SORL1: variants seen among roughly 807,000 people sequenced by gnomAD.
The protein encoded by SORL1 is sortilin related receptor 1.
A neutral mutation model predicts 273.7 loss-of-function variants in SORL1; 127 were observed. That is an observed-to-expected ratio of 0.46 (90% CI 0.40 to 0.54). The LOEUF (loss-of-function observed/expected upper bound fraction) is 0.54, where lower values mean the gene tolerates loss of function less well. Among genes scored for constraint, SORL1 ranks in the 20% least tolerant of loss-of-function variants. The pLI is 0.00. For missense variants in SORL1, 2,494 were observed against 2,846.1 expected (o/e 0.88, Z 2.81); for synonymous variants, 1,031 against 1,067.4 (o/e 0.97, Z 0.66).
chr11:121,522,587 T>A lies in SORL1; in HGVS notation c.1406T>A (p.Leu469His). The A allele has an allele frequency of 6.2e-7, 1 of 1,613,148 alleles. No individual in the cohort carries two copies. The highest frequency in any genetic ancestry group is 8.5e-7 in the Non-Finnish European group (1 of 1,179,074). ...CTGCCTGAAACTTTGGTTGTATAGC[T>A]TTCCCAGGGCTGTTCCCTTCATCTG... ...TGYGEKINCE[L>H]SQGCSLHLAQ... The change falls in exon 10 of 48, where the codon CTT becomes CAT. Residue 469 changes from leucine to histidine, a missense_variant and splice_region_variant. Physicochemically the swap from Leu to His is moderately conservative, Grantham distance 99 (BLOSUM62 -3). This residue lies in a region of SORL1 where 710 missense variants were observed against 882.5 expected (regional missense o/e 0.80). Coordinates refer to ENST00000260197, the MANE Select transcript of SORL1 (RefSeq NM_003105.6).
chr11:121,565,237 T>C (rs1862738578), intron 21 of SORL1, among the ~76,000 whole-genome samples: 1 of 152,242 alleles, frequency 6.6e-6, no homozygotes, highest in African/African-American at 2.4e-5. Context: ...ATGTTTTCTC[T>C]CTATTTACTG....
At chr11:121,590,522 T>C in intron 30 of SORL1, 2 of 518,488 alleles carry the variant, frequency 3.9e-6, no homozygotes, top group Non-Finnish European at 6.9e-6. Context: ...ATCTGCATGC[T>C]AATAAGCCCC....
rs371141051 is a variant in SORL1 at position 121,575,466 on chromosome 11, G to A, written c.3460+1103G>A. ...CTGTGCCCTCTCTCCCTGTCCACGG[G>A]GGGCAGGTCCAGCCACGCTGTGCTT... On this transcript the variant is annotated intron_variant, in intron 24 of 47. Coordinates refer to ENST00000260197, the MANE Select transcript of SORL1 (RefSeq NM_003105.6). Among the ~76,000 whole-genome samples, 45 of 152,382 alleles carry A rather than the reference G, an allele frequency of 3.0e-4. No homozygotes were observed. In the South Asian group the frequency reaches 8.9e-3, roughly 30 times the overall value.
chr11:121,601,852 A>G (rs1033522636), intron 32 of SORL1, among the ~76,000 whole-genome samples: 7 of 152,174 alleles, frequency 4.6e-5, no homozygotes, highest in South Asian at 2.1e-4. Context: ...ACCCAGTAGA[A>G]TACTTCTGTG....
intron 12 of SORL1, among the ~76,000 whole-genome samples, chr11:121,538,246 C>A (rs776141836): frequency 6.6e-6 from 1 of 151,060 alleles, no homozygotes; most frequent in East Asian, 1.9e-4. Context: ...ATTGACTACA[C>A]CATTTAATCA....
At chr11:121,484,045 G>A (rs563437336) in intron 3 of SORL1, among the ~76,000 whole-genome samples, 23 of 152,264 alleles carry the variant, frequency 1.5e-4, no homozygotes, top group South Asian at 4.1e-4. Context: ...TCACTTTTTG[G>A]TGGTGGAGAG....
chr11:121,499,918 G>T (rs1861687378), intron 6 of SORL1, among the ~76,000 whole-genome samples: 1 of 152,216 alleles, frequency 6.6e-6, no homozygotes, highest in Non-Finnish European at 1.5e-5. Flanking sequence ...AATGATTACA[G>T]TCCTTTGCAA....
At chr11:121,500,354 C>A (rs1217642930) in intron 6 of SORL1, among the ~76,000 whole-genome samples, 1 of 152,194 alleles carries the variant, frequency 6.6e-6, no homozygotes, top group Non-Finnish European at 1.5e-5. Context: ...TAAGCAAAGA[C>A]ATGATCTGTG....
At chr11:121,468,698 G>A (rs1203547891) in intron 1 of SORL1, among the ~76,000 whole-genome samples, 1 of 152,170 alleles carries the variant, frequency 6.6e-6, no homozygotes, top group Non-Finnish European at 1.5e-5. Context: ...TGGGATTACA[G>A]TCGTGGGCCA....
In SORL1 at chr11:121,625,276, T is replaced by G; in HGVS notation, c.6363T>G (p.Ser2121=). 1 of 1,606,438 alleles carries G rather than the reference T, an allele frequency of 6.2e-7. No individual in the cohort carries two copies. The highest frequency in any genetic ancestry group is 8.5e-7 in the Non-Finnish European group (1 of 1,175,900). The change falls in exon 46 of 48, where the codon TCT becomes TCG. Residue 2121 remains serine (S), a splice_region_variant and synonymous_variant. Coordinates refer to ENST00000260197, the MANE Select transcript of SORL1 (RefSeq NM_003105.6). ...PAILLYDELG[S]GADASATQAA... The stretch of plus-strand genomic sequence containing the variant: ...TCCTGCTGTACGATGAGCTGGGGTC[T>G]GGTGAGTTGCGATTGCTGCCCGTTT...
At chr11:121,479,298 G>A (rs1861336895) in intron 3 of SORL1, among the ~76,000 whole-genome samples, 2 of 152,142 alleles carry the variant, frequency 1.3e-5, no homozygotes, top group African/African-American at 2.4e-5. Flanking sequence ...GTTGTATTTC[G>A]TTGCTTTCTT....
intron 5 of SORL1, among the ~76,000 whole-genome samples, chr11:121,495,830 A>G (rs1169914171): frequency 1.3e-5 from 2 of 152,208 alleles, no homozygotes; most frequent in Non-Finnish European, 2.9e-5. Flanking sequence ...CCACAGATCC[A>G]ATGCAGAAAG....
intron 18 of SORL1, among the ~76,000 whole-genome samples, chr11:121,556,489 A>C (rs556626357): frequency 4.5e-4 from 69 of 152,094 alleles, no homozygotes; most frequent in Non-Finnish European, 8.8e-4. Context: ...CTCGGTGGTT[A>C]TGTTATTGCT....
At chr11:121,571,083 G>C (rs565609492) in intron 23 of SORL1, among the ~76,000 whole-genome samples, 16 of 152,296 alleles carry the variant, frequency 1.1e-4, no homozygotes, top group South Asian at 6.2e-4. Flanking sequence ...AGGCAGAAAC[G>C]GAGTTCACAG....
rs79191307 is a variant in SORL1, at chr11:121,596,730, G to A, written c.4519+958G>A. Among the ~76,000 whole-genome samples, 426 of 152,206 alleles carry A rather than the reference G, an allele frequency of 2.8e-3. 2 individuals are homozygous for A. Among genetic ancestry groups the A allele is most frequent in the Non-Finnish European group, 4.5e-3 (309 of 68,000 alleles). On this transcript the variant is annotated intron_variant, in intron 32 of 47. Coordinates refer to ENST00000260197, the MANE Select transcript of SORL1 (RefSeq NM_003105.6). This position sits in a 1 kb window ranked among gnomAD's most constrained non-coding sequence, Gnocchi z 4.3. ...TCCTGTCCTGGTGAATGTAGAAGAC[G>A]CCCCTCTCACTCTCTGCTGAGAGCC...
At chr11:121,538,722 A>C (rs1862304330) in intron 12 of SORL1, among the ~76,000 whole-genome samples, 1 of 152,004 alleles carries the variant, frequency 6.6e-6, no homozygotes, top group South Asian at 2.1e-4. Context: ...TCTGTCGCTT[A>C]GGCTGGAGCA....
chr11:121,566,681 C>T (rs542129069), intron 21 of SORL1: 170 of 394,094 alleles, frequency 4.3e-4, no homozygotes, highest in Non-Finnish European at 6.9e-4. Context: ...GACCCAATTA[C>T]AAATTCCCAG....
intron 41 of SORL1, among the ~76,000 whole-genome samples, chr11:121,617,043 A>T (rs1461232395): frequency 6.6e-6 from 1 of 152,214 alleles, no homozygotes; most frequent in Non-Finnish European, 1.5e-5. Context: ...TTGTCTAAAG[A>T]CCTGAGATTG....
chr11:121,500,610 T>C (rs1158688696), intron 6 of SORL1, among the ~76,000 whole-genome samples: 1 of 152,202 alleles, frequency 6.6e-6, no homozygotes, highest in Non-Finnish European at 1.5e-5. Context: ...CTAAAATATC[T>C]ATTATCTGGA....
Sources: allele counts gnomAD v4.1 joint callset (sites outside exome capture counted in the v4.1 genomes callset), GRCh38; gene constraint gnomAD v4.1.1; regional missense constraint gnomAD v4.1.1; non-coding constraint Gnocchi (gnomAD v3.1); transcripts MANE v1.5; gene names NCBI Gene and HGNC (gene_info 2026-07-23, HGNC 2026-07-21).